MTUS2: variants seen among roughly 807,000 people sequenced by gnomAD.
The protein encoded by MTUS2 is microtubule associated scaffold protein 2, also known as microtubule-associated tumor suppressor candidate 2.
Under a neutral mutation model 114.1 loss-of-function variants are expected in MTUS2, and 40 were observed. That is an observed-to-expected ratio of 0.35 (90% CI 0.27 to 0.46). MTUS2 has a LOEUF of 0.46. MTUS2 is among the 20% of genes least tolerant of loss of function. The pLI, the probability that MTUS2 is intolerant of heterozygous loss-of-function variation, is 1.00. For missense variants in MTUS2, 1,679 were observed against 1,705.4 expected (o/e 0.98, Z 0.27); for synonymous variants, 688 against 672.0 (o/e 1.02, Z -0.37).
intron 4 of MTUS2, among the ~76,000 whole-genome samples, chr13:29,063,201 G>A (rs1396768006): frequency 6.6e-6 from 1 of 152,124 alleles, no homozygotes; most frequent in Non-Finnish European, 1.5e-5. Flanking sequence ...TGTGTTTCAT[G>A]TTCTTTCTTC....
chr13:28,980,445 C>T (rs967647518), intron 2 of MTUS2, among the ~76,000 whole-genome samples: 3 of 152,142 alleles, frequency 2.0e-5, no homozygotes, highest in Non-Finnish European at 4.4e-5. Flanking sequence ...TCTTTGGAGG[C>T]AGTTCTTTTT....
intron 6 of MTUS2, among the ~76,000 whole-genome samples, chr13:29,305,873 A>T (rs1009922774): frequency 3.3e-5 from 5 of 152,232 alleles, no homozygotes; most frequent in African/African-American, 7.2e-5. Context: ...ATGAATATTG[A>T]TGCAAAAATC....
chr13:29,359,013 C>G (rs949224795), intron 7 of MTUS2, among the ~76,000 whole-genome samples: 4 of 149,732 alleles, frequency 2.7e-5, no homozygotes, highest in African/African-American at 7.4e-5. Flanking sequence ...GTGTCGGAAG[C>G]TGGAAGGAAT....
chr13:29,123,444 C>T (rs977966088), intron 5 of MTUS2, among the ~76,000 whole-genome samples: 1 of 152,118 alleles, frequency 6.6e-6, no homozygotes. Context: ...TGGGTGGGTG[C>T]AGTGGCTCAC....
chr13:29,115,966 T>C (rs1389159618), intron 5 of MTUS2, among the ~76,000 whole-genome samples: 1 of 152,238 alleles, frequency 6.6e-6, no homozygotes, highest in Non-Finnish European at 1.5e-5. Context: ...GAGCATGATA[T>C]CAACTAGACC....
intron 9 of MTUS2, among the ~76,000 whole-genome samples, chr13:29,477,769 A>G (rs1185020256): frequency 6.6e-6 from 1 of 152,142 alleles, no homozygotes; most frequent in African/African-American, 2.4e-5. Context: ...AGCAGATGTG[A>G]CAATTATATA....
chr13:28,970,112 C>T (rs77087517), intron 2 of MTUS2, among the ~76,000 whole-genome samples: 4,881 of 152,160 alleles, frequency 0.032, 131 homozygotes, highest in Non-Finnish European at 0.05. Context: ...TTAACTATAG[C>T]CATCCTACAG....
intron 1 of MTUS2, among the ~76,000 whole-genome samples, chr13:28,832,995 A>T (rs533878616): frequency 1.9e-4 from 29 of 152,236 alleles, no homozygotes; most frequent in Non-Finnish European, 3.4e-4. Flanking sequence ...TCCCAGGAAG[A>T]CACATACTAC....
At chr13:28,954,036 A>G (rs978133285) in intron 2 of MTUS2, among the ~76,000 whole-genome samples, 2 of 152,214 alleles carry the variant, frequency 1.3e-5, no homozygotes, top group Non-Finnish European at 2.9e-5. Flanking sequence ...ATCTCAGTAT[A>G]AGTAAAAGTT....
At position 29,013,712 on chromosome 13, in the gene MTUS2, T is replaced by TA. The variant is rs541331297; in HGVS notation, c.-242-10744dup. Among the ~76,000 whole-genome samples the TA allele has an allele frequency of 4.8e-3, 724 of 152,344 alleles. 4 individuals carry two copies. The highest frequency in any genetic ancestry group is 7.2e-3 in the South Asian group (35 of 4,830). On this transcript the variant is annotated intron_variant, in intron 2 of 15. Transcript: ENST00000612955. The stretch of plus-strand genomic sequence containing the variant: ...AATCCTGTACTCAGACCTTGAATGA[T>TA]ACAGACCTTCCATGTGTGTGAGTGG...
At chr13:28,898,916 GAAAAT>G (rs985474734) in intron 2 of MTUS2, among the ~76,000 whole-genome samples, 12 of 152,196 alleles carry the variant, frequency 7.9e-5, no homozygotes, top group African/African-American at 2.2e-4. Flanking sequence ...GGTGCTTAAG[GAAAAT>G]AAAATAACAC....
At chr13:29,170,670 G>A (rs1307853272) in intron 5 of MTUS2, among the ~76,000 whole-genome samples, 1 of 152,140 alleles carries the variant, frequency 6.6e-6, no homozygotes. Flanking sequence ...ATGGGGCGGG[G>A]CATTTGCTGT....
At chr13:29,042,616 A>G (rs1277608131) in intron 4 of MTUS2, among the ~76,000 whole-genome samples, 5 of 151,686 alleles carry the variant, frequency 3.3e-5, no homozygotes, top group Admixed American at 6.6e-5. Context: ...CTTGTTGGCA[A>G]TTTTTTTTAT....
chr13:29,487,701 A>G, intron 10 of MTUS2, 199 bp from the exon 11 acceptor site: 2 of 595,470 alleles, frequency 3.4e-6, no homozygotes, highest in East Asian at 5.7e-5. Context: ...ACCCCCCTAC[A>G]AAGAGCCAGG....
rs551943490 is a variant in MTUS2 at position 29,010,505 on chromosome 13, G to A, written c.-242-13952G>A. ...CCTTTCCTTGCCACTTTCCTAACAC[G>A]TCCTTGGCCTACAGGGCTCTGGCCT... On this transcript the variant is annotated intron_variant, in intron 2 of 15. Coordinates refer to ENST00000612955, the MANE Select transcript of MTUS2 (RefSeq NM_001033602.4). 2.6e-5 allele frequency among the ~76,000 whole-genome samples: 4 copies of A among 152,068 alleles called. No homozygotes were observed. The South Asian group carries it at 8.3e-4, about 32-fold the overall frequency.
chr13:29,325,490 GGGAGGA>G (rs146701799), intron 7 of MTUS2, among the ~76,000 whole-genome samples: 1 of 134,850 alleles, frequency 7.4e-6, no homozygotes, highest in African/African-American at 2.7e-5. Context: ...AAGAGGAAGA[GGGAGGA>G]GGAGGAGGAG....
chr13:29,394,903 G>A (rs1455171541), intron 8 of MTUS2, among the ~76,000 whole-genome samples: 1 of 152,094 alleles, frequency 6.6e-6, no homozygotes, highest in Non-Finnish European at 1.5e-5. Context: ...AGGTGGAACA[G>A]TTTCATCCTG....
intron 8 of MTUS2, 99 bp from the exon 9 acceptor site, chr13:29,439,879 AGACTT>A: frequency 3.3e-6 from 3 of 918,552 alleles, no homozygotes; most frequent in Non-Finnish European, 3.4e-6. Flanking sequence ...CTTAAGGACT[AGACTT>A]ATAAATATTT....
In MTUS2 at chr13:29,253,472, C is replaced by G. The variant is rs184191774; in HGVS notation, c.2645-28232C>G. 1.8e-3 allele frequency among the ~76,000 whole-genome samples: 273 copies of G among 152,148 alleles called. 2 individuals are homozygous for G. Among genetic ancestry groups the G allele is most frequent in the African/African-American group, 5.6e-3 (231 of 41,528 alleles). ...AATAAAAAAATAAAAATCACATCCT[C>G]CTGTGGCTTTATATACCATTTCTAT... On this transcript the variant is annotated intron_variant, in intron 5 of 15. Transcript: ENST00000612955.
Sources: gnomAD v4.1 joint callset for allele counts (sites outside exome capture counted in the v4.1 genomes callset) on GRCh38, gnomAD v4.1.1 for gene constraint, MANE v1.5 for transcripts, NCBI Gene and HGNC (gene_info 2026-07-23, HGNC 2026-07-21) for gene names.